The following AKAP6 variants were observed in gnomAD, a reference collection of about 807,000 sequenced individuals.
The protein encoded by AKAP6 is A-kinase anchoring protein 6.
In AKAP6, 58 loss-of-function variants were observed where a neutral mutation model predicts 188.5. That is an observed-to-expected ratio of 0.31 (90% CI 0.25 to 0.38). The LOEUF (loss-of-function observed/expected upper bound fraction) is 0.38, where lower values mean the gene tolerates loss of function less well. Among genes scored for constraint, AKAP6 ranks in the 10% least tolerant of loss-of-function variants. AKAP6 has a pLI of 1.00. For synonymous variants in AKAP6, 989 were observed against 998.6 expected (o/e 0.99, Z 0.18); for missense variants, 2,710 against 2,740.0 (o/e 0.99, Z 0.24).
intron 7 of AKAP6, among the ~76,000 whole-genome samples, chr14:32,616,703 G>T (rs1387777521): frequency 1.3e-5 from 2 of 151,880 alleles, no homozygotes; most frequent in Non-Finnish European, 2.9e-5. Context: ...CCAATAACAG[G>T]TTTACCTGTA....
intron 9 of AKAP6, among the ~76,000 whole-genome samples, chr14:32,719,752 C>T (rs1253712404): frequency 1.3e-5 from 2 of 152,070 alleles, no homozygotes; most frequent in East Asian, 1.9e-4. Context: ...CATATTAGTT[C>T]CCTCTTTCTT....
At chr14:32,731,512 G>A (rs907421941) in intron 9 of AKAP6, among the ~76,000 whole-genome samples, 1 of 152,060 alleles carries the variant, frequency 6.6e-6, no homozygotes, top group African/African-American at 2.4e-5. Flanking sequence ...ATGGAACTCA[G>A]TGACCTAAAT....
intron 1 of AKAP6, among the ~76,000 whole-genome samples, chr14:32,352,648 C>T (rs933220052): frequency 5.3e-5 from 8 of 152,126 alleles, no homozygotes; most frequent in Non-Finnish European, 7.4e-5. Flanking sequence ...CAAATGAGTG[C>T]GATCATGTTG....
intron 5 of AKAP6, among the ~76,000 whole-genome samples, chr14:32,580,842 G>A (rs1235759412): frequency 6.6e-6 from 1 of 152,080 alleles, no homozygotes; most frequent in Non-Finnish European, 1.5e-5. Flanking sequence ...TGAGAATGAT[G>A]ATTTCCAATT....
At chr14:32,335,791 A>G (rs1052500949) in intron 1 of AKAP6, among the ~76,000 whole-genome samples, 1 of 146,494 alleles carries the variant, frequency 6.8e-6, no homozygotes, top group Non-Finnish European at 1.5e-5. Context: ...TAAATTACAC[A>G]ACATATTTAT....
At chr14:32,767,036 G>A (rs2032740706) in intron 11 of AKAP6, among the ~76,000 whole-genome samples, 1 of 152,104 alleles carries the variant, frequency 6.6e-6, no homozygotes, top group Admixed American at 6.5e-5. Flanking sequence ...ATATCCAGTT[G>A]TCTCAGCACC....
At chr14:32,359,557 A>G (rs189439171) in intron 1 of AKAP6, among the ~76,000 whole-genome samples, 2 of 142,074 alleles carry the variant, frequency 1.4e-5, no homozygotes, top group South Asian at 2.3e-4. Context: ...AAACTACTGC[A>G]TAGACTTTTT....
Position 32,700,763 on chromosome 14 carries a change from A to G in AKAP6, c.3000+4653A>G, listed in dbSNP as rs1036241137. ...CTATCATCTAGGTTTATCTAAGTAC[A>G]CTCTAGGATGTTCACACAGTGACAA... On this transcript the variant is annotated intron_variant, in intron 9 of 13. Coordinates refer to ENST00000280979, the MANE Select transcript of AKAP6 (RefSeq NM_004274.5). Among the ~76,000 whole-genome samples, 8 of 152,052 alleles carry G rather than the reference A, an allele frequency of 5.3e-5. No individual in the cohort carries two copies. The East Asian group carries it at 7.7e-4, about 15-fold the overall frequency.
Position 32,432,064 on chromosome 14 carries a change from C to CT in AKAP6, c.-34-1387dup, listed in dbSNP as rs927642841. Among the ~76,000 whole-genome samples, 198 of 150,788 alleles carry CT rather than the reference C, an allele frequency of 1.3e-3. 1 individual carries two copies. The highest frequency in any genetic ancestry group is 3.5e-3 in the African/African-American group (143 of 41,142). On this transcript the variant is annotated intron_variant, in intron 1 of 13. Coordinates refer to ENST00000280979, the MANE Select transcript of AKAP6 (RefSeq NM_004274.5). ...GGTATGTAAAAATAATTTTGCTTTT[C>CT]TTTTTTTTTGCTGAATATTTGTTAC...
At chr14:32,817,501 G>A (rs1411055693) in intron 12 of AKAP6, among the ~76,000 whole-genome samples, 1 of 151,688 alleles carries the variant, frequency 6.6e-6, no homozygotes, top group African/African-American at 2.4e-5. Flanking sequence ...TTGTGTGTGT[G>A]TGTGTGTGTG....
At chr14:32,765,723 A>AC in intron 11 of AKAP6, among the ~76,000 whole-genome samples, 1 of 151,904 alleles carries the variant, frequency 6.6e-6, no homozygotes, top group Middle Eastern at 3.4e-3. Context: ...AAAAAAAAAA[A>AC]ACCTACAAGT....
intron 8 of AKAP6, among the ~76,000 whole-genome samples, chr14:32,685,995 T>C (rs73264883): frequency 0.018 from 2,714 of 152,314 alleles, 95 homozygotes; most frequent in African/African-American, 0.062. Flanking sequence ...CTCTCATGTT[T>C]GTTGCAGCAT....
At chr14:32,624,488 T>A (rs888335645) in intron 7 of AKAP6, among the ~76,000 whole-genome samples, 1 of 152,148 alleles carries the variant, frequency 6.6e-6, no homozygotes, top group Non-Finnish European at 1.5e-5. Context: ...GTGGCCCTTT[T>A]GGCTACCTGG....
intron 7 of AKAP6, among the ~76,000 whole-genome samples, chr14:32,624,926 A>G (rs1399036073): frequency 6.6e-6 from 1 of 152,114 alleles, no homozygotes; most frequent in African/African-American, 2.4e-5. Context: ...ATATTTATGA[A>G]GGGTTTGTGT....
At chr14:32,577,279 A>C (rs764030532) in intron 5 of AKAP6, 37 bp downstream of exon 5, 1 of 1,593,618 alleles carries the variant, frequency 6.3e-7, no homozygotes, top group Admixed American at 1.8e-5. Context: ...GTCAATAATC[A>C]AAGGATTTTA....
At chr14:32,811,017 A>G (rs933579026) in intron 12 of AKAP6, among the ~76,000 whole-genome samples, 2 of 152,006 alleles carry the variant, frequency 1.3e-5, no homozygotes, top group Non-Finnish European at 2.9e-5. Flanking sequence ...AGGTGGGCAG[A>G]TCACGAGGTC....
chr14:32,478,070 A>G (rs1247898727), intron 2 of AKAP6, among the ~76,000 whole-genome samples: 1 of 152,246 alleles, frequency 6.6e-6, no homozygotes, highest in Non-Finnish European at 1.5e-5. Flanking sequence ...AATCTTTCAC[A>G]TAGCTTGACA....
At chr14:32,775,292 G>A (rs2033022831) in intron 12 of AKAP6, among the ~76,000 whole-genome samples, 1 of 147,896 alleles carries the variant, frequency 6.8e-6, no homozygotes, top group Non-Finnish European at 1.5e-5. Context: ...ATCAACTGCA[G>A]CAGGCAAAGT....
chr14:32,629,630 A>T (rs866227209), intron 7 of AKAP6, among the ~76,000 whole-genome samples: 1 of 151,900 alleles, frequency 6.6e-6, no homozygotes, highest in East Asian at 1.9e-4. Context: ...AAGAGAATGT[A>T]CAAGTAAGAT....
Sources: gnomAD v4.1 joint callset for allele counts (sites outside exome capture counted in the v4.1 genomes callset) on GRCh38, gnomAD v4.1.1 for gene constraint, MANE v1.5 for transcripts, NCBI Gene and HGNC (gene_info 2026-07-23, HGNC 2026-07-21) for gene names.